Variants in SMC5 observed in about 807,000 individuals in gnomAD.
SMC5 encodes the protein structural maintenance of chromosomes 5, also known as structural maintenance of chromosomes protein 5.
Under a neutral mutation model 148.3 loss-of-function variants are expected in SMC5, and 88 were observed. That is an observed-to-expected ratio of 0.59 (90% CI 0.50 to 0.71). SMC5 has a LOEUF of 0.71. SMC5 is among the 30% of genes least tolerant of loss of function. SMC5 has a pLI of 0.00. For missense variants in SMC5, 1,142 were observed against 1,298.9 expected (o/e 0.88, Z 1.86); for synonymous variants, 421 against 432.8 (o/e 0.97, Z 0.34).
chr9:70,294,055 C>A (rs1427230363), intron 8 of SMC5, among the ~76,000 whole-genome samples: 1 of 151,986 alleles, frequency 6.6e-6, no homozygotes, highest in African/African-American at 2.4e-5. Flanking sequence ...CATGGAGTCT[C>A]CTTACATTCT....
At chr9:70,316,901 T>A (rs545760383) in intron 13 of SMC5, among the ~76,000 whole-genome samples, 1 of 152,216 alleles carries the variant, frequency 6.6e-6, no homozygotes, top group East Asian at 1.9e-4. Flanking sequence ...TTCCCATTTC[T>A]TTTTCAGGTG....
chr9:70,288,152 G>T (rs569016604), intron 8 of SMC5, among the ~76,000 whole-genome samples: 1 of 152,238 alleles, frequency 6.6e-6, no homozygotes, highest in African/African-American at 2.4e-5. Flanking sequence ...TTATATTCCT[G>T]TCATGAATTT....
At chr9:70,298,417 C>T (rs1168795149) in intron 9 of SMC5, among the ~76,000 whole-genome samples, 196 bp downstream of exon 9, 1 of 152,030 alleles carries the variant, frequency 6.6e-6, no homozygotes, top group African/African-American at 2.4e-5. Flanking sequence ...TATAGCTGAC[C>T]ACTGTCTTCT....
chr9:70,284,574 CTTAA>C (rs1298005715), intron 7 of SMC5, among the ~76,000 whole-genome samples: 1 of 152,086 alleles, frequency 6.6e-6, no homozygotes, highest in African/African-American at 2.4e-5. Context: ...TTTGAGATCT[CTTAA>C]TTAAGGAAAC....
rs1296149707 is a variant in SMC5, at chr9:70,350,938, T to G, written c.3165+467T>G. On this transcript the variant is annotated intron_variant, in intron 24 of 24. Transcript: ENST00000361138. ...TCTTTGTAGATAATTTTTCATAATC[T>G]AAAACCATTGCAATGGGAAATTTTC... Among the ~76,000 whole-genome samples the G allele has an allele frequency of 2.6e-5, 4 of 152,310 alleles. No homozygotes were observed. In the East Asian group the frequency reaches 7.7e-4, roughly 29 times the overall value.
At chr9:70,308,090 T>C (rs1025654002) in intron 11 of SMC5, among the ~76,000 whole-genome samples, 7 of 152,150 alleles carry the variant, frequency 4.6e-5, no homozygotes, top group African/African-American at 1.4e-4. Context: ...CAAACCCTTA[T>C]GTCTGTATTT....
chr9:70,313,009 A>G (rs558983969), intron 11 of SMC5, among the ~76,000 whole-genome samples: 27 of 152,284 alleles, frequency 1.8e-4, no homozygotes, highest in African/African-American at 6.5e-4. Context: ...ATCAGTGAAA[A>G]CATCTTAGTA....
intron 18 of SMC5, chr9:70,346,266 C>T (rs1365693787): frequency 8.2e-6 from 2 of 245,390 alleles, no homozygotes; most frequent in South Asian, 2.0e-4. Flanking sequence ...GGTTGAACTG[C>T]TTTCTAAGAG....
chr9:70,295,291 C>G (rs2035167810), intron 8 of SMC5, among the ~76,000 whole-genome samples: 1 of 116,768 alleles, frequency 8.6e-6, no homozygotes, highest in Non-Finnish European at 1.8e-5. Context: ...CAGTGAAACC[C>G]TGTCTCTACT....
chr9:70,262,256 G>A (rs1167953377), intron 1 of SMC5, among the ~76,000 whole-genome samples: 1 of 152,182 alleles, frequency 6.6e-6, no homozygotes, highest in Non-Finnish European at 1.5e-5. Flanking sequence ...AGGAATTATA[G>A]TCACAAAACT....
chr9:70,314,499 C>T (rs1302331330), intron 11 of SMC5, among the ~76,000 whole-genome samples: 1 of 151,952 alleles, frequency 6.6e-6, no homozygotes, highest in African/African-American at 2.4e-5. Flanking sequence ...AAGTAATTCC[C>T]AGACATTCTG....
Position 70,288,959 on chromosome 9 carries a change from G to A in SMC5, c.1053+2688G>A, listed in dbSNP as rs547020673. 2.2e-4 allele frequency among the ~76,000 whole-genome samples: 33 copies of A among 152,230 alleles called. No individual in the cohort carries two copies. The South Asian group carries it at 5.6e-3, about 26-fold the overall frequency. On this transcript the variant is annotated intron_variant, in intron 8 of 24. Transcript: ENST00000361138. ...TGTATACACACACATATATACATAC[G>A]TTAGAATAGGCTTACTATAATTATG...
In SMC5 at chr9:70,259,054, G is replaced by T. The variant is rs373945896; in HGVS notation, c.-25G>T. 1.9e-6 allele frequency: 3 copies of T among 1,583,436 alleles called. No individual in the cohort carries two copies. The African/African-American group carries it at 4.1e-5, about 21-fold the overall frequency. ...CTGCCGGACGGTGGGAACGGAAGTCGCTGTGGGACGCTGAGGAAGCCAGGA... is the reference window on the plus strand; with the variant it reads ...CTGCCGGACGGTGGGAACGGAAGTCTCTGTGGGACGCTGAGGAAGCCAGGA... On this transcript the variant is annotated 5_prime_UTR_variant, in exon 1 of 25. Transcript: ENST00000361138.
intron 1 of SMC5, among the ~76,000 whole-genome samples, chr9:70,259,963 G>A (rs1564016127): frequency 6.8e-6 from 1 of 147,430 alleles, no homozygotes; most frequent in Admixed American, 6.8e-5. Context: ...TTTTTGAGAC[G>A]GAGTTGCGCT....
At chr9:70,283,865 T>C (rs1454413926) in intron 7 of SMC5, among the ~76,000 whole-genome samples, 2 of 152,240 alleles carry the variant, frequency 1.3e-5, no homozygotes, top group African/African-American at 2.4e-5. Flanking sequence ...GTGAATATGC[T>C]ACTCCAGGGT....
chr9:70,277,118 G>A (rs927484604), intron 3 of SMC5, among the ~76,000 whole-genome samples, 192 bp from the exon 4 acceptor site: 1 of 152,142 alleles, frequency 6.6e-6, no homozygotes, highest in Non-Finnish European at 1.5e-5. Context: ...AGTAACTGAT[G>A]TGGTCAATTA....
chr9:70,308,662 G>A (rs115828487), intron 11 of SMC5, among the ~76,000 whole-genome samples: 2,492 of 147,888 alleles, frequency 0.017, 42 homozygotes, highest in South Asian at 0.071. Flanking sequence ...CTATCCCACC[G>A]TGCCTCTATT....
intron 17 of SMC5, among the ~76,000 whole-genome samples, chr9:70,338,585 T>C (rs1279289950): frequency 2.0e-5 from 3 of 152,226 alleles, no homozygotes; most frequent in Non-Finnish European, 4.4e-5. Flanking sequence ...TATAATATTA[T>C]ACATCATCCA....
intron 1 of SMC5, among the ~76,000 whole-genome samples, 183 bp from the exon 2 acceptor site, chr9:70,264,121 C>T (rs1239599196): frequency 6.6e-6 from 1 of 152,108 alleles, no homozygotes; most frequent in Non-Finnish European, 1.5e-5. Context: ...TTATGCATTA[C>T]TGCCTTTTCA....
Sources: allele counts gnomAD v4.1 joint callset (sites outside exome capture counted in the v4.1 genomes callset), GRCh38; gene constraint gnomAD v4.1.1; transcripts MANE v1.5; gene names NCBI Gene and HGNC (gene_info 2026-07-23, HGNC 2026-07-21).